The following ME3 variants were observed in gnomAD, a reference collection of about 807,000 sequenced individuals.
ME3 encodes the protein NADP-dependent malic enzyme, mitochondrial.
A neutral mutation model predicts 68.9 loss-of-function variants in ME3; 48 were observed. The observed-to-expected ratio is 0.70, with a 90% CI of 0.55 to 0.89. The LOEUF is 0.89. Ranked by LOEUF, ME3 falls within the 40% of genes least tolerant of loss-of-function variation. The pLI, the probability that ME3 is intolerant of heterozygous loss-of-function variation, is 0.00. For missense variants in ME3, 675 were observed against 797.4 expected, an observed-to-expected ratio of 0.85 and a Z score of 1.85; for synonymous variants, 320 against 318.8, an observed-to-expected ratio of 1.00 and a Z score of -0.04.
At chr11:86,605,547 T>G (rs181225582) in intron 2 of ME3, among the ~76,000 whole-genome samples, 101 of 152,332 alleles carry the variant, frequency 6.6e-4, no homozygotes, top group Middle Eastern at 6.8e-3. Context: ...AGCTATCTCA[T>G]GTATTCAGAG....
chr11:86,618,564 A>G (rs1237232978), intron 2 of ME3, among the ~76,000 whole-genome samples: 2 of 152,066 alleles, frequency 1.3e-5, no homozygotes, highest in African/African-American at 4.8e-5. Flanking sequence ...TTTCTGATAT[A>G]ATTTGGATAT....
chr11:86,577,766 A>C (rs1958199546), intron 2 of ME3, among the ~76,000 whole-genome samples: 1 of 152,198 alleles, frequency 6.6e-6, no homozygotes, highest in African/African-American at 2.4e-5. Context: ...AATATCTTGC[A>C]TATTTTTACT....
chr11:86,532,303 A>G (rs980638455), intron 4 of ME3, among the ~76,000 whole-genome samples: 1 of 151,278 alleles, frequency 6.6e-6, no homozygotes, highest in African/African-American at 2.4e-5. Flanking sequence ...CCAACTTTCA[A>G]TAATAGACAG....
rs1015911275 is a variant in ME3, at chr11:86,449,773, C to T, written c.1131+116G>A. 3 of 712,674 alleles carry T rather than the reference C, an allele frequency of 4.2e-6. No homozygotes were observed. The South Asian group carries it at 5.8e-5, about 14-fold the overall frequency. The allele number at this position is 712,674 out of a possible 1,614,324, so 44.1% of individuals were successfully genotyped here. On this transcript the variant is annotated intron_variant, in intron 10 of 14. Coordinates refer to ENST00000543262, the Ensembl canonical transcript of ME3. ...TTTTGCTTTGGAGCTTAGGCCATTG[C>T]CCTCATTTTGCTCTCTATTCTGTTT...
chr11:86,615,326 T>C (rs1942882385), intron 2 of ME3, among the ~76,000 whole-genome samples: 1 of 152,212 alleles, frequency 6.6e-6, no homozygotes, highest in Non-Finnish European at 1.5e-5. Context: ...GGATTAACTA[T>C]TCAATCATGA....
At chr11:86,459,771 A>C (rs186455885) in intron 8 of ME3, among the ~76,000 whole-genome samples, 2 of 152,366 alleles carry the variant, frequency 1.3e-5, no homozygotes, top group East Asian at 3.9e-4. Context: ...ATTGTTAAGC[A>C]TTGGACTCAC....
At chr11:86,591,138 A>G (rs986639738) in intron 2 of ME3, among the ~76,000 whole-genome samples, 2 of 152,126 alleles carry the variant, frequency 1.3e-5, no homozygotes, top group Non-Finnish European at 2.9e-5. Flanking sequence ...CTAAGGGTCA[A>G]TAAGATATTT....
At chr11:86,600,990 A>G (rs1388979086) in intron 2 of ME3, among the ~76,000 whole-genome samples, 1 of 151,892 alleles carries the variant, frequency 6.6e-6, no homozygotes, top group African/African-American at 2.4e-5. Context: ...AATGCCCACA[A>G]GAGAAAGCAG....
chr11:86,553,045 C>T (rs1956771431), intron 4 of ME3, among the ~76,000 whole-genome samples: 2 of 152,208 alleles, frequency 1.3e-5, no homozygotes, highest in African/African-American at 4.8e-5. Flanking sequence ...CCTCTTCCAG[C>T]TCACACACTA....
intron 2 of ME3, among the ~76,000 whole-genome samples, chr11:86,661,537 G>T (rs573394386): frequency 7.0e-4 from 106 of 152,178 alleles, no homozygotes; most frequent in Non-Finnish European, 1.4e-3. Flanking sequence ...CTCAATTTCT[G>T]CACATAGAGC....
At chr11:86,538,059 A>G (rs1955805770) in intron 4 of ME3, among the ~76,000 whole-genome samples, 1 of 151,808 alleles carries the variant, frequency 6.6e-6, no homozygotes, top group South Asian at 2.1e-4. Flanking sequence ...CCTGCAAGGG[A>G]CTCTAGCCCT....
chr11:86,589,440 G>A (rs895626438), intron 2 of ME3, among the ~76,000 whole-genome samples: 20 of 152,144 alleles, frequency 1.3e-4, no homozygotes, highest in African/African-American at 4.8e-4. Flanking sequence ...AACTTGATTA[G>A]GAGATAGCAA....
chr11:86,442,340 C>T (rs1949044760), intron 14 of ME3, among the ~76,000 whole-genome samples: 1 of 152,170 alleles, frequency 6.6e-6, no homozygotes, highest in Admixed American at 6.5e-5. Flanking sequence ...TTTCACTGTT[C>T]TCTGCCAATC....
At chr11:86,529,411 C>T (rs535881073) in intron 4 of ME3, among the ~76,000 whole-genome samples, 2 of 152,130 alleles carry the variant, frequency 1.3e-5, no homozygotes, top group Admixed American at 6.6e-5. Flanking sequence ...GATTCACAGC[C>T]GAATTCTACC....
At position 86,497,953 on chromosome 11, in the gene ME3, A is replaced by T. The variant is rs752191342; in HGVS notation, c.705+10T>A. 22 of 1,587,436 alleles carry T rather than the reference A, an allele frequency of 1.4e-5. No homozygotes were observed. Among genetic ancestry groups the T allele is most frequent in the Non-Finnish European group, 1.9e-5 (22 of 1,164,812 alleles). ...TGGCCCCAGAGCTCCTGCCCTGGGC[A>T]GTGGGTTACCTCATTGTTGGTGCCG... On this transcript the variant is annotated intron_variant, in intron 6 of 14. Transcript: ENST00000543262.
intron 7 of ME3, among the ~76,000 whole-genome samples, chr11:86,469,832 G>A (rs984220054): frequency 4.6e-5 from 7 of 151,962 alleles, no homozygotes; most frequent in Non-Finnish European, 8.8e-5. Context: ...CAAGGCTAAT[G>A]AGTGGATGTT....
chr11:86,469,691 A>C (rs1950678357), intron 7 of ME3, among the ~76,000 whole-genome samples: 1 of 152,130 alleles, frequency 6.6e-6, no homozygotes, highest in Admixed American at 6.5e-5. Context: ...GAATTCCTGC[A>C]ATGGAGAAAG....
intron 4 of ME3, among the ~76,000 whole-genome samples, chr11:86,511,778 TC>T (rs1953545673): frequency 6.6e-6 from 1 of 152,110 alleles, no homozygotes; most frequent in African/African-American, 2.4e-5. Flanking sequence ...ATTTTTGACT[TC>T]CCTAGTTGCT....
intron 2 of ME3, among the ~76,000 whole-genome samples, chr11:86,643,938 C>T (rs562231214): frequency 2.6e-5 from 4 of 152,322 alleles, no homozygotes; most frequent in South Asian, 2.1e-4. Context: ...AAGGTAATAA[C>T]ACCTGCCTCA....
Sources: gnomAD v4.1 joint callset for allele counts (sites outside exome capture counted in the v4.1 genomes callset) on GRCh38, gnomAD v4.1.1 for gene constraint, MANE v1.5 for transcripts, NCBI Gene and HGNC (gene_info 2026-07-23, HGNC 2026-07-21) for gene names.